Variants in CUEDC2 observed in about 807,000 individuals in gnomAD.
The protein encoded by CUEDC2 is CUE domain-containing protein 2.
CUEDC2 carries 10 observed loss-of-function variants against 36.0 expected under a neutral mutation model. The observed-to-expected ratio is 0.28, with a 90% CI of 0.17 to 0.47. The LOEUF is 0.47. Among genes scored for constraint, CUEDC2 ranks in the 20% least tolerant of loss-of-function variants. CUEDC2 has a pLI of 0.99. For missense variants in CUEDC2, 269 were observed against 368.1 expected (o/e 0.73, Z 2.20); for synonymous variants, 133 against 141.8 (o/e 0.94, Z 0.44).
intron 1 of CUEDC2, among the ~76,000 whole-genome samples, chr10:102,431,663 A>G (rs2061617009): frequency 6.6e-6 from 1 of 152,040 alleles, no homozygotes; most frequent in South Asian, 2.1e-4. Flanking sequence ...TATATTGTCT[A>G]TTTCAGAATC....
intron 1 of CUEDC2, among the ~76,000 whole-genome samples, chr10:102,431,828 C>G (rs540220179): frequency 1.3e-5 from 2 of 152,252 alleles, no homozygotes; most frequent in Admixed American, 6.5e-5. Context: ...CAGGCCTGGA[C>G]CCTCCAGATG....
intron 1 of CUEDC2, among the ~76,000 whole-genome samples, chr10:102,430,388 C>G (rs902115841): frequency 1.3e-5 from 2 of 151,924 alleles, no homozygotes; most frequent in South Asian, 4.2e-4. Context: ...AGGCTGGTCT[C>G]GAACTCCCGA....
intron 1 of CUEDC2, among the ~76,000 whole-genome samples, chr10:102,427,272 G>GCT (rs144013189): frequency 1.5e-4 from 23 of 151,064 alleles, no homozygotes; most frequent in Admixed American, 3.3e-4. Flanking sequence ...TCACTGCAGC[G>GCT]CTCTCTCTCT....
chr10:102,424,700 G>A lies in CUEDC2; in HGVS notation c.167C>T (p.Ala56Val). The change falls in exon 3 of 9, where the codon GCT becomes GTT. Residue 56 changes from alanine to valine, a missense_variant. Coordinates refer to ENST00000369937, the MANE Select transcript of CUEDC2 (RefSeq NM_024040.3). This position sits in a 1 kb window ranked among gnomAD's most constrained non-coding sequence, Gnocchi z 4.2. The stretch of plus-strand genomic sequence containing the variant: ...ATAGGCCTCCATCATCTCAGTGAAA[G>A]CCTCCATATCGAAGTTCTCCTCTGA... ...GPSEENFDME[A>V]FTEMMEAYVP... 1.9e-6 allele frequency: 3 copies of A among 1,614,194 alleles called. No homozygotes were observed. The highest frequency in any genetic ancestry group is 2.5e-6 in the Non-Finnish European group (3 of 1,180,018).
At chr10:102,426,650 T>C (rs1040607195) in intron 1 of CUEDC2, among the ~76,000 whole-genome samples, 1 of 152,114 alleles carries the variant, frequency 6.6e-6, no homozygotes, top group Non-Finnish European at 1.5e-5. Flanking sequence ...TTCTTTTTTT[T>C]AGGCAGGGTC....
chr10:102,431,865 T>A (rs1392986259), intron 1 of CUEDC2, among the ~76,000 whole-genome samples: 1 of 152,102 alleles, frequency 6.6e-6, no homozygotes, highest in African/African-American at 2.4e-5. Context: ...TGGACAAATT[T>A]AAGTGAGAGT....
In CUEDC2 at chr10:102,423,799, T is replaced by A; in HGVS notation, c.655A>T (p.Lys219Ter). The A allele has an allele frequency of 6.2e-7, 1 of 1,614,014 alleles. No individual in the cohort carries two copies. The highest frequency in any genetic ancestry group is 1.3e-5 in the African/African-American group (1 of 75,054). Residue 219 changes from lysine (K) to a stop codon, truncating the protein, a stop_gained and splice_region_variant, in exon 7 of 9, where the codon AAG becomes TAG. Coordinates refer to ENST00000369937, the MANE Select transcript of CUEDC2 (RefSeq NM_024040.3). LOFTEE classifies it high-confidence loss of function. The surrounding 1 kb of genome is among the most constrained non-coding windows in gnomAD (Gnocchi z 5.6). ...CAGCCCAGCCCAGCCCAGACTCACT[T>A]CTGCAGGATGAAGGACTTCAGCTCA... ...KDELKSFILQ[K>*]YMMVDSAEDQ... is the part of the protein sequence containing the mutation.
chr10:102,430,676 C>A (rs1402801197), intron 1 of CUEDC2, among the ~76,000 whole-genome samples: 1 of 152,160 alleles, frequency 6.6e-6, no homozygotes, highest in African/African-American at 2.4e-5. Context: ...CCAAACTTCA[C>A]CCAGGCTTCT....
rs892525670 is a variant in CUEDC2, at chr10:102,423,275, A to G, written c.*151T>C. ...TCCTTGGGCCACCTTTACTGTGCCC[A>G]TGGAGGCAGCTCCGAGAGTAGGTTA... On this transcript the variant is annotated 3_prime_UTR_variant, in exon 9 of 9. Coordinates refer to ENST00000369937, the MANE Select transcript of CUEDC2 (RefSeq NM_024040.3). The surrounding 1 kb of genome is among the most constrained non-coding windows in gnomAD (Gnocchi z 5.6). 3 of 1,024,978 alleles carry G rather than the reference A, an allele frequency of 2.9e-6. No individual in the cohort carries two copies. Among genetic ancestry groups the G allele is most frequent in the African/African-American group, 3.2e-5 (2 of 62,374 alleles). 63.5% of individuals were successfully genotyped at this position (1,024,978 alleles called of 1,614,324 possible).
rs1412133213 is a variant in CUEDC2, at chr10:102,423,588, C to T, written c.718-16G>A. ...TCTTGGGGGCCTGTCAGGCAATCAGCAGTGAGTGGCAGAAGCCAGGAGCCA... is the reference window on the plus strand; with the variant it reads ...TCTTGGGGGCCTGTCAGGCAATCAGTAGTGAGTGGCAGAAGCCAGGAGCCA... On this transcript the variant is annotated splice_polypyrimidine_tract_variant and intron_variant, in intron 8 of 8. Coordinates refer to ENST00000369937, the MANE Select transcript of CUEDC2 (RefSeq NM_024040.3). This position sits in a 1 kb window ranked among gnomAD's most constrained non-coding sequence, Gnocchi z 5.6. 3 of 1,614,210 alleles carry T rather than the reference C, an allele frequency of 1.9e-6. No individual in the cohort carries two copies. The highest frequency in any genetic ancestry group is 1.6e-4 in the Middle Eastern group (1 of 6,062).
chr10:102,423,331 G>A lies in CUEDC2; in HGVS notation c.*95C>T, dbSNP rs1191178447. 2 of 1,428,004 alleles carry A rather than the reference G, an allele frequency of 1.4e-6. No homozygotes were observed. Among genetic ancestry groups the A allele is most frequent in the East Asian group, 2.3e-5 (1 of 43,976 alleles). 88.5% of individuals were successfully genotyped at this position (1,428,004 alleles called of 1,614,324 possible). ...ATGGAGCAAAGGAGTAGAGAAGGGG[G>A]ACAGGAGTTAGGGGGCCCCTGTGTA... On this transcript the variant is annotated 3_prime_UTR_variant, in exon 9 of 9. Coordinates refer to ENST00000369937, the MANE Select transcript of CUEDC2 (RefSeq NM_024040.3). The surrounding 1 kb of genome is among the most constrained non-coding windows in gnomAD (Gnocchi z 5.6).
Position 102,424,846 on chromosome 10 carries a change from C to A in CUEDC2, c.75-54G>T, listed in dbSNP as rs1003675322. 17 of 1,582,016 alleles carry A rather than the reference C, an allele frequency of 1.1e-5. No homozygotes were observed. Among genetic ancestry groups the A allele is most frequent in the Non-Finnish European group, 1.5e-5 (17 of 1,163,350 alleles). On this transcript the variant is annotated intron_variant, in intron 2 of 8. Coordinates refer to ENST00000369937, the MANE Select transcript of CUEDC2 (RefSeq NM_024040.3). The surrounding 1 kb of genome is among the most constrained non-coding windows in gnomAD (Gnocchi z 4.2). ...GGTAGGACACTGGATGCCTCCAGCA[C>A]CCCCACCTATCCTGAGACTCCAGCC...
Position 102,424,124 on chromosome 10 carries a change from A to G in CUEDC2, c.466T>C (p.Phe156Leu). 1 of 1,614,040 alleles carries G rather than the reference A, an allele frequency of 6.2e-7. No homozygotes were observed. Among genetic ancestry groups the G allele is most frequent in the Non-Finnish European group, 8.5e-7 (1 of 1,179,988 alleles). Residue 156 changes from phenylalanine (F) to leucine (L), a missense_variant, in exon 6 of 9, where the codon TTC becomes CTC. Phe to Leu is a conservative substitution (Grantham distance 22, BLOSUM62 0). Coordinates refer to ENST00000369937, the MANE Select transcript of CUEDC2 (RefSeq NM_024040.3). The surrounding 1 kb of genome is among the most constrained non-coding windows in gnomAD (Gnocchi z 4.2). ...LPGVDVLLEV[F>L]PTCSVEQAQW... ...GCCTGCTCCACCGAACAGGTAGGGA[A>G]CACCTCCAGGAGTACATCCACCCCT...
At position 102,424,074 on chromosome 10, in the gene CUEDC2, C is replaced by A; in HGVS notation, c.516G>T (p.Arg172=). The change falls in exon 6 of 9, where the codon CGG becomes CGT. Residue 172 remains arginine, a synonymous_variant. Coordinates refer to ENST00000369937, the MANE Select transcript of CUEDC2 (RefSeq NM_024040.3). The surrounding 1 kb of genome is among the most constrained non-coding windows in gnomAD (Gnocchi z 4.2). ...EQAQWVLAKA[R]GDLEEAVQML... ...TCTGCACAGCTTCTTCCAAGTCCCCCCGAGCTTTGGCCAGCACCCACTGGG... is the reference window on the plus strand; with the variant it reads ...TCTGCACAGCTTCTTCCAAGTCCCCACGAGCTTTGGCCAGCACCCACTGGG... 6.2e-7 allele frequency: 1 copy of A among 1,614,162 alleles called. No homozygotes were observed. Among genetic ancestry groups the A allele is most frequent in the East Asian group, 2.2e-5 (1 of 44,878 alleles).
In CUEDC2 at chr10:102,424,226, C is replaced by T; in HGVS notation, c.411+38G>A. On this transcript the variant is annotated intron_variant, in intron 5 of 8. Coordinates refer to ENST00000369937, the MANE Select transcript of CUEDC2 (RefSeq NM_024040.3). The surrounding 1 kb of genome is among the most constrained non-coding windows in gnomAD (Gnocchi z 4.2). ...GAGGCAATACTCCCCCCTTTCCAGC[C>T]CCCTGGGTCCCTCATCGGTACCCTC... The T allele has an allele frequency of 6.2e-7, 1 of 1,611,030 alleles. No individual in the cohort carries two copies. The highest frequency in any genetic ancestry group is 8.5e-7 in the Non-Finnish European group (1 of 1,178,136).
intron 1 of CUEDC2, among the ~76,000 whole-genome samples, chr10:102,430,139 T>TA (rs1565238082): frequency 3.8e-5 from 4 of 106,548 alleles, no homozygotes; most frequent in African/African-American, 1.5e-4. Flanking sequence ...TTCTTTTTTT[T>TA]TTTTTAATTT....
chr10:102,425,450 T>A (rs1353844570), intron 1 of CUEDC2, among the ~76,000 whole-genome samples: 1 of 13,572 alleles, frequency 7.4e-5, no homozygotes, highest in Admixed American at 7.2e-4. Flanking sequence ...CCCCCCTACC[T>A]CTCCCCACCC....
In CUEDC2 at chr10:102,428,022, A is replaced by G. The variant is rs1589908216; in HGVS notation, c.-10-2824T>C. Among the ~76,000 whole-genome samples the G allele has an allele frequency of 2.0e-5, 3 of 151,922 alleles. No homozygotes were observed. In the South Asian group the frequency reaches 6.2e-4, roughly 32 times the overall value. On this transcript the variant is annotated intron_variant, in intron 1 of 8. Coordinates refer to ENST00000369937, the MANE Select transcript of CUEDC2 (RefSeq NM_024040.3). ...AGTGGTGCCATCTTGGCTCACTGCA[A>G]CCTCTGCCTCCTGGGTTCAAGCGAT... is the stretch of plus-strand genomic sequence containing the variant.
rs2061589313 is a variant in CUEDC2, at chr10:102,424,660, G to A, written c.207C>T (p.Ala69=). 3 of 1,614,178 alleles carry A rather than the reference G, an allele frequency of 1.9e-6. No homozygotes were observed. Among genetic ancestry groups the A allele is most frequent in the Non-Finnish European group, 2.5e-6 (3 of 1,180,016 alleles). The part of the protein sequence containing the change: ...EMMEAYVPGF[A]HIPRGTIGDM... Reference sequence around the variant, plus strand: ...TAGCCAGAACCTACCTGGGGATGTGGGCGAAGCCAGGCACATAGGCCTCCA... The same window carrying A: ...TAGCCAGAACCTACCTGGGGATGTGAGCGAAGCCAGGCACATAGGCCTCCA... Residue 69 remains alanine, a synonymous_variant, in exon 3 of 9, where the codon GCC becomes GCT. Coordinates refer to ENST00000369937, the MANE Select transcript of CUEDC2 (RefSeq NM_024040.3). This position sits in a 1 kb window ranked among gnomAD's most constrained non-coding sequence, Gnocchi z 4.2.
Sources: gnomAD v4.1 joint callset for allele counts (sites outside exome capture counted in the v4.1 genomes callset) on GRCh38, gnomAD v4.1.1 for gene constraint, Gnocchi (gnomAD v3.1) non-coding constraint, MANE v1.5 for transcripts, NCBI Gene and HGNC (gene_info 2026-07-23, HGNC 2026-07-21) for gene names.